Variants in NUP210L observed in about 807,000 individuals in gnomAD.
The protein encoded by NUP210L is nuclear pore membrane glycoprotein 210-like.
Under a neutral mutation model 208.5 loss-of-function variants are expected in NUP210L, and 74 were observed. The ratio of observed to expected loss-of-function variants is 0.35; its 90% CI spans 0.29 to 0.43. The LOEUF (loss-of-function observed/expected upper bound fraction) is 0.43, where lower values mean the gene tolerates loss of function less well. Ranked by LOEUF, NUP210L falls within the 20% of genes least tolerant of loss-of-function variation. The pLI, the probability that NUP210L is intolerant of heterozygous loss-of-function variation, is 1.00. For missense variants in NUP210L, 1,843 were observed against 2,289.4 expected (o/e 0.81, Z 3.98); for synonymous variants, 780 against 816.9 (o/e 0.95, Z 0.77).
intron 33 of NUP210L, among the ~76,000 whole-genome samples, chr1:154,018,642 G>A (rs1458375806): frequency 6.6e-6 from 1 of 152,102 alleles, no homozygotes; most frequent in Non-Finnish European, 1.5e-5. Flanking sequence ...GCCAACATAT[G>A]TCACCTGGAT....
At position 153,995,073 on chromosome 1, in the gene NUP210L, T is replaced by A; in HGVS notation, c.5491+3A>T. 2 of 1,574,130 alleles carry A rather than the reference T, an allele frequency of 1.3e-6. No homozygotes were observed. Among genetic ancestry groups the A allele is most frequent in the Non-Finnish European group, 1.7e-6 (2 of 1,146,514 alleles). On this transcript the variant is annotated splice_donor_region_variant and intron_variant, in intron 38 of 39. Transcript: ENST00000368559. ...TCTATGTTATTGAATATAAGGACTC[T>A]ACCTAGGAAGATGGAAGCTGTTGAT...
intron 25 of NUP210L, among the ~76,000 whole-genome samples, chr1:154,052,143 G>T (rs1279481513): frequency 6.6e-6 from 1 of 152,250 alleles, no homozygotes; most frequent in Non-Finnish European, 1.5e-5. Flanking sequence ...GAAACCAGCT[G>T]CAAAGACAGA....
intron 16 of NUP210L, among the ~76,000 whole-genome samples, chr1:154,083,864 G>A (rs577465079): frequency 2.0e-5 from 3 of 151,868 alleles, no homozygotes; most frequent in African/African-American, 7.2e-5. Flanking sequence ...AAGGATGAAA[G>A]GGTGGGGGAT....
exon 38 of NUP210L, chr1:153,995,114 A>T (rs1649754820): frequency 6.2e-7 from 1 of 1,613,628 alleles, no homozygotes; most frequent in African/African-American, 1.3e-5. Flanking sequence ...CACTGCAAAG[A>T]GGGTCAAGAG....
At position 154,058,194 on chromosome 1, in the gene NUP210L, AAC is replaced by A. The variant is rs1557946634; in HGVS notation, c.3000_3001del (p.Leu1001SerfsTer16). ...AGAGCCAAGAACCCTCACAGTCACT[AAC>A]ACAGTTTTGTCTATTTCAACCTAGT... On this transcript the variant is annotated frameshift_variant, in exon 22 of 40. Coordinates refer to ENST00000368559, the Ensembl canonical transcript of NUP210L. LOFTEE classifies it high-confidence loss of function. The A allele has an allele frequency of 1.9e-6, 3 of 1,614,152 alleles. No homozygotes were observed.
chr1:154,065,634 T>G (rs946668473), intron 17 of NUP210L, among the ~76,000 whole-genome samples: 2 of 152,078 alleles, frequency 1.3e-5, no homozygotes, highest in African/African-American at 2.4e-5. Flanking sequence ...AGCTCATGCC[T>G]GTAATCCTAG....
intron 27 of NUP210L, among the ~76,000 whole-genome samples, chr1:154,041,387 G>A (rs1180798386): frequency 6.6e-6 from 1 of 152,122 alleles, no homozygotes; most frequent in African/African-American, 2.4e-5. Flanking sequence ...CTGGAGTACA[G>A]TGGTGCAATC....
At chr1:154,147,511 CTT>C in intron 2 of NUP210L, among the ~76,000 whole-genome samples, 1 of 127,232 alleles carries the variant, frequency 7.9e-6, no homozygotes, top group Admixed American at 7.9e-5. Flanking sequence ...CTAATTTTTT[CTT>C]TTTTTTTTTA....
intron 17 of NUP210L, among the ~76,000 whole-genome samples, chr1:154,064,783 T>C (rs1460513019): frequency 6.6e-6 from 1 of 152,132 alleles, no homozygotes; most frequent in African/African-American, 2.4e-5. Flanking sequence ...CATTTTAAAA[T>C]TGAGTCAGGC....
At chr1:154,141,364 C>T in intron 4 of NUP210L, 67 bp downstream of exon 4, 1 of 990,066 alleles carries the variant, frequency 1.0e-6, no homozygotes, top group Non-Finnish European at 1.6e-6. Flanking sequence ...GTTGCTTGTT[C>T]AGCATGCCGC....
chr1:154,127,405 T>C, exon 9 of NUP210L: 3 of 1,571,810 alleles, frequency 1.9e-6, no homozygotes, highest in African/African-American at 1.4e-5. Flanking sequence ...GTTTCCAGGT[T>C]GGACAGTGAA....
intron 5 of NUP210L, 134 bp from the exon 6 acceptor site, chr1:154,138,372 C>G (rs941686296): frequency 4.4e-6 from 3 of 685,788 alleles, no homozygotes; most frequent in Admixed American, 4.1e-5. Flanking sequence ...AAAAGCTTTC[C>G]TAATCACAAG....
intron 32 of NUP210L, among the ~76,000 whole-genome samples, chr1:154,020,618 C>A (rs1198944077): frequency 6.6e-6 from 1 of 152,112 alleles, no homozygotes; most frequent in Admixed American, 6.5e-5. Flanking sequence ...CCTGTGCCTC[C>A]TGGGTTCAAG....
At chr1:154,105,654 G>T (rs1209659676) in intron 12 of NUP210L, among the ~76,000 whole-genome samples, 1 of 152,180 alleles carries the variant, frequency 6.6e-6, no homozygotes, top group African/African-American at 2.4e-5. Flanking sequence ...AAAAGGAAAT[G>T]GAAAAGTAAA....
rs575841395 is a variant in NUP210L, at chr1:154,042,415, TTTG to T, written c.3696+3651_3696+3653del. On this transcript the variant is annotated intron_variant, in intron 27 of 39. Coordinates refer to ENST00000368559, the Ensembl canonical transcript of NUP210L. The stretch of plus-strand genomic sequence containing the variant: ...GCCGCACCCAGCCCATGAAGGCCTT[TTTG>T]TTGTTGTTGTTGTTGTTGTTGTTGT... 3.9e-3 allele frequency among the ~76,000 whole-genome samples: 577 copies of T among 146,932 alleles called. 1 individual carries two copies. The highest frequency in any genetic ancestry group is 7.8e-3 in the Middle Eastern group (2 of 258).
At chr1:154,135,668 G>A (rs922228892) in intron 7 of NUP210L, 146 bp downstream of exon 7, 55 of 599,804 alleles carry the variant, frequency 9.2e-5, no homozygotes, top group East Asian at 8.2e-4. Context: ...TGATCAGCCC[G>A]CCTCGGCCTC....
At chr1:154,116,710 A>G (rs1571292802) in intron 12 of NUP210L, among the ~76,000 whole-genome samples, 1 of 152,154 alleles carries the variant, frequency 6.6e-6, no homozygotes, top group Non-Finnish European at 1.5e-5. Context: ...TCTGGGCAAC[A>G]GAGCAAGACT....
At chr1:154,042,410 G>T (rs920525598) in intron 27 of NUP210L, among the ~76,000 whole-genome samples, 24 of 148,144 alleles carry the variant, frequency 1.6e-4, no homozygotes, top group Non-Finnish European at 7.5e-5. Context: ...GCCCATGAAG[G>T]CCTTTTTGTT....
intron 10 of NUP210L, among the ~76,000 whole-genome samples, chr1:154,121,961 T>C (rs1249242483): frequency 6.6e-6 from 1 of 150,950 alleles, no homozygotes; most frequent in Non-Finnish European, 1.5e-5. Flanking sequence ...ATGAATGAAA[T>C]AGAAAACAGA....
Sources: allele counts gnomAD v4.1 joint callset (sites outside exome capture counted in the v4.1 genomes callset), GRCh38; gene constraint gnomAD v4.1.1; transcripts MANE v1.5; gene names NCBI Gene and HGNC (gene_info 2026-07-23, HGNC 2026-07-21).